KCNAB1: variants seen among roughly 807,000 people sequenced by gnomAD.
KCNAB1 encodes voltage-gated potassium channel subunit beta-1.
A neutral mutation model predicts 64.6 loss-of-function variants in KCNAB1; 35 were observed. The observed-to-expected ratio is 0.54, with a 90% CI of 0.41 to 0.72. The LOEUF is 0.72. KCNAB1 is among the 30% of genes least tolerant of loss of function. The pLI is 0.00. For missense variants in KCNAB1, 401 were observed against 512.9 expected (o/e 0.78, Z 2.11); for synonymous variants, 177 against 183.8 (o/e 0.96, Z 0.30).
At chr3:156,131,508 T>A (rs1713993319) in intron 1 of KCNAB1, among the ~76,000 whole-genome samples, 1 of 152,230 alleles carries the variant, frequency 6.6e-6, no homozygotes, top group Non-Finnish European at 1.5e-5. Context: ...AAATGCTGAT[T>A]GTGAATAGGC....
At chr3:156,486,149 T>C (rs1344052615) in intron 8 of KCNAB1, among the ~76,000 whole-genome samples, 1 of 152,100 alleles carries the variant, frequency 6.6e-6, no homozygotes, top group Non-Finnish European at 1.5e-5. Flanking sequence ...CCCCACAACC[T>C]TGTTTTAGCA....
intron 1 of KCNAB1, among the ~76,000 whole-genome samples, chr3:156,121,899 A>C (rs1178793882): frequency 6.6e-6 from 1 of 152,232 alleles, no homozygotes; most frequent in Non-Finnish European, 1.5e-5. Flanking sequence ...AGAAAAACTT[A>C]TTTAGTAATT....
At chr3:156,180,730 C>T (rs549105480) in intron 1 of KCNAB1, among the ~76,000 whole-genome samples, 3 of 152,198 alleles carry the variant, frequency 2.0e-5, no homozygotes, top group African/African-American at 4.8e-5. Flanking sequence ...AAGAACGAGG[C>T]GGGATTCATG....
chr3:156,149,843 C>T (rs959761862), intron 1 of KCNAB1, among the ~76,000 whole-genome samples: 3 of 152,192 alleles, frequency 2.0e-5, no homozygotes, highest in Non-Finnish European at 4.4e-5. Context: ...ACCCTCCAAA[C>T]CCCACCAAAA....
chr3:156,201,260 G>A (rs560224963), intron 1 of KCNAB1, among the ~76,000 whole-genome samples: 3 of 152,154 alleles, frequency 2.0e-5, no homozygotes, highest in South Asian at 2.1e-4. Flanking sequence ...GTTCCTATTC[G>A]GCCATCTTGC....
intron 1 of KCNAB1, among the ~76,000 whole-genome samples, chr3:156,377,434 C>A (rs996285599): frequency 1.3e-5 from 2 of 152,072 alleles, no homozygotes; most frequent in African/African-American, 2.4e-5. Context: ...GGGAAGAATG[C>A]CAGGCCAGGG....
intron 1 of KCNAB1, among the ~76,000 whole-genome samples, chr3:156,399,360 T>G (rs1349466776): frequency 6.6e-6 from 1 of 152,058 alleles, no homozygotes; most frequent in Non-Finnish European, 1.5e-5. Context: ...AGGTGTTGGG[T>G]GGGGTATGTG....
intron 13 of KCNAB1, among the ~76,000 whole-genome samples, chr3:156,531,717 T>C (rs1468407603): frequency 6.6e-6 from 1 of 152,240 alleles, no homozygotes; most frequent in Non-Finnish European, 1.5e-5. Context: ...TTTGTTTCTG[T>C]GGAAGAGTGC....
At chr3:156,148,843 C>G (rs1447655308) in intron 1 of KCNAB1, among the ~76,000 whole-genome samples, 2 of 129,302 alleles carry the variant, frequency 1.5e-5, no homozygotes, top group African/African-American at 5.8e-5. Flanking sequence ...TCATCACTTG[C>G]TTTTTCATTT....
chr3:156,330,148 TGGG>T (rs764281667), intron 1 of KCNAB1, among the ~76,000 whole-genome samples: 3 of 152,120 alleles, frequency 2.0e-5, no homozygotes, highest in Admixed American at 6.5e-5. Context: ...TATAATAAAG[TGGG>T]GAGAAACAAT....
rs534771742 is a variant in KCNAB1, at chr3:156,209,070, A to AT, written c.275+88190dup. On this transcript the variant is annotated intron_variant, in intron 1 of 13. Transcript: ENST00000490337. ...TAAGATACTATGTTTTTTAAACTTA[A>AT]TTTTTTAAAGACACAGTCAAGTGGA... is the stretch of plus-strand genomic sequence containing the variant. Among the ~76,000 whole-genome samples the AT allele has an allele frequency of 2.8e-3, 423 of 152,326 alleles. 3 individuals are homozygous for AT. Among genetic ancestry groups the AT allele is most frequent in the African/African-American group, 9.4e-3 (390 of 41,580 alleles).
intron 1 of KCNAB1, among the ~76,000 whole-genome samples, chr3:156,253,784 G>A (rs1315228340): frequency 6.6e-6 from 1 of 152,188 alleles, no homozygotes; most frequent in Non-Finnish European, 1.5e-5. Flanking sequence ...ATCCCAGACT[G>A]CTGAATCAGA....
intron 1 of KCNAB1, among the ~76,000 whole-genome samples, chr3:156,391,232 T>C (rs1713017376): frequency 6.6e-6 from 1 of 152,194 alleles, no homozygotes; most frequent in Admixed American, 6.5e-5. Context: ...TGGAGTGGCC[T>C]TGGGCAAGTT....
intron 1 of KCNAB1, among the ~76,000 whole-genome samples, chr3:156,276,357 C>T (rs1302547371): frequency 2.0e-5 from 3 of 152,082 alleles, no homozygotes. Context: ...TTCTTAAGGA[C>T]CCTAGGGTTT....
intron 1 of KCNAB1, among the ~76,000 whole-genome samples, chr3:156,407,225 A>C (rs954590400): frequency 2.6e-5 from 4 of 152,088 alleles, no homozygotes; most frequent in Admixed American, 1.3e-4. Flanking sequence ...CTTTCTGCTC[A>C]TCAACCTTGT....
At chr3:156,210,281 C>G (rs1297294154) in intron 1 of KCNAB1, among the ~76,000 whole-genome samples, 1 of 152,118 alleles carries the variant, frequency 6.6e-6, no homozygotes, top group Non-Finnish European at 1.5e-5. Flanking sequence ...GTACATTTCA[C>G]TTTTTCTGAA....
At chr3:156,144,888 GT>G (rs911199111) in intron 1 of KCNAB1, among the ~76,000 whole-genome samples, 23 of 152,320 alleles carry the variant, frequency 1.5e-4, no homozygotes, top group African/African-American at 5.3e-4. Flanking sequence ...GTGTGCCAAT[GT>G]TCAGATGAAG....
intron 1 of KCNAB1, among the ~76,000 whole-genome samples, chr3:156,196,179 G>T (rs1713919671): frequency 6.6e-6 from 1 of 151,958 alleles, no homozygotes; most frequent in African/African-American, 2.4e-5. Context: ...ATGCTGTTTT[G>T]GTACCATTAC....
chr3:156,493,413 T>C (rs1349549739), intron 8 of KCNAB1, among the ~76,000 whole-genome samples: 1 of 152,094 alleles, frequency 6.6e-6, no homozygotes, highest in Non-Finnish European at 1.5e-5. Flanking sequence ...GAGTTTCTAT[T>C]TGTTGTATGT....
Sources: gnomAD v4.1 joint callset for allele counts (sites outside exome capture counted in the v4.1 genomes callset) on GRCh38, gnomAD v4.1.1 for gene constraint, MANE v1.5 for transcripts, NCBI Gene and HGNC (gene_info 2026-07-23, HGNC 2026-07-21) for gene names.